ERCC6L2: variants seen among roughly 807,000 people sequenced by gnomAD.
ERCC6L2 encodes the protein DNA excision repair protein ERCC-6-like 2.
Under a neutral mutation model 132.0 loss-of-function variants are expected in ERCC6L2, and 77 were observed. The observed-to-expected ratio is 0.58, with a 90% CI of 0.49 to 0.71. The LOEUF (loss-of-function observed/expected upper bound fraction) is 0.71, where lower values mean the gene tolerates loss of function less well. Among genes scored for constraint, ERCC6L2 ranks in the 30% least tolerant of loss-of-function variants. The pLI is 0.00. For missense variants in ERCC6L2, 1,542 were observed against 1,837.6 expected, an observed-to-expected ratio of 0.84 and a Z score of 2.94; for synonymous variants, 583 against 632.4, an observed-to-expected ratio of 0.92 and a Z score of 1.17.
At chr9:95,880,343 A>G (rs1827522892) in intron 1 of ERCC6L2, among the ~76,000 whole-genome samples, 1 of 152,242 alleles carries the variant, frequency 6.6e-6, no homozygotes, top group East Asian at 1.9e-4. Context: ...CAGATGAACC[A>G]CAAAGCATTG....
chr9:95,980,732 AAAATT>A (rs1235045692), intron 17 of ERCC6L2, among the ~76,000 whole-genome samples: 6 of 152,178 alleles, frequency 3.9e-5, no homozygotes, highest in African/African-American at 1.2e-4. Context: ...AGTTTTGAAA[AAAATT>A]AAAAAGTTAC....
intron 3 of ERCC6L2, among the ~76,000 whole-genome samples, chr9:95,902,263 T>A (rs1828818912): frequency 6.6e-6 from 1 of 152,170 alleles, no homozygotes; most frequent in Non-Finnish European, 1.5e-5. Flanking sequence ...AGATGTAGGC[T>A]AAGTTTTGAT....
chr9:95,975,471 CTTTTTTTT>C (rs572855007), intron 16 of ERCC6L2, among the ~76,000 whole-genome samples: 1 of 111,280 alleles, frequency 9.0e-6, no homozygotes, highest in Non-Finnish European at 1.9e-5. Context: ...ATTATATGTT[CTTTTTTTT>C]TTTTTTTTTG....
chr9:96,036,852 C>T (rs975116077), intron 19 of ERCC6L2, among the ~76,000 whole-genome samples: 29 of 148,156 alleles, frequency 2.0e-4, no homozygotes, highest in South Asian at 4.3e-4. Flanking sequence ...CTGCAAGCTC[C>T]GCCTCCCGGG....
chr9:95,922,131 T>C (rs1829895119), intron 7 of ERCC6L2, among the ~76,000 whole-genome samples, 174 bp from the exon 8 acceptor site: 1 of 152,250 alleles, frequency 6.6e-6, no homozygotes, highest in South Asian at 2.1e-4. Flanking sequence ...AAAAGTATGC[T>C]TCCACATTAG....
chr9:95,969,120 A>G (rs919490298), intron 14 of ERCC6L2, among the ~76,000 whole-genome samples: 3 of 152,100 alleles, frequency 2.0e-5, no homozygotes, highest in African/African-American at 7.2e-5. Context: ...TGTGATCTCC[A>G]ATGTCAGGGA....
Position 95,950,010 on chromosome 9 carries a change from G to T in ERCC6L2, c.1848-5904G>T, listed in dbSNP as rs535821947. Among the ~76,000 whole-genome samples the T allele has an allele frequency of 3.2e-3, 463 of 143,356 alleles. 2 individuals are homozygous for T. The highest frequency in any genetic ancestry group is 0.011 in the African/African-American group (443 of 38,720). The allele number at this position is 143,356 out of a possible 152,430, so 94.0% of individuals were successfully genotyped here. On this transcript the variant is annotated intron_variant, in intron 12 of 18. Transcript: ENST00000653738. ...AGCCTGGGAGACAGGGTGAGACTCC[G>T]TCTCAAAAAAAAAAAAAAAAATCCT...
intron 13 of ERCC6L2, among the ~76,000 whole-genome samples, chr9:95,963,643 C>T (rs1832017444): frequency 6.6e-6 from 1 of 152,064 alleles, no homozygotes; most frequent in East Asian, 1.9e-4. Context: ...TTTTTCCTTT[C>T]TGGTCCAGGG....
intron 17 of ERCC6L2, among the ~76,000 whole-genome samples, chr9:95,981,735 C>T (rs936883900): frequency 3.9e-5 from 6 of 152,108 alleles, no homozygotes; most frequent in Non-Finnish European, 7.4e-5. Context: ...AAGTATGTCA[C>T]GGAGCTGAAC....
At chr9:95,925,637 T>G (rs1363394786) in intron 9 of ERCC6L2, among the ~76,000 whole-genome samples, 1 of 152,218 alleles carries the variant, frequency 6.6e-6, no homozygotes, top group Non-Finnish European at 1.5e-5. Context: ...CTAATTAAGA[T>G]CTCCAGTCTA....
chr9:95,947,626 C>CT (rs912572093), intron 12 of ERCC6L2, among the ~76,000 whole-genome samples: 3 of 152,138 alleles, frequency 2.0e-5, no homozygotes, highest in Admixed American at 6.5e-5. Flanking sequence ...GGACTGTAGT[C>CT]AATAAAGAGG....
intron 18 of ERCC6L2, among the ~76,000 whole-genome samples, chr9:96,011,283 A>G (rs1324607924): frequency 2.0e-5 from 3 of 152,224 alleles, no homozygotes; most frequent in Non-Finnish European, 4.4e-5. Context: ...AAGAGACAGA[A>G]GAGAAAGAAA....
chr9:95,958,326 G>T (rs11794054), intron 13 of ERCC6L2, among the ~76,000 whole-genome samples: 19,732 of 151,922 alleles, frequency 0.13, 1,354 homozygotes, highest in South Asian at 0.24. Context: ...TAGTGTGCAT[G>T]TGTCTTTATA....
intron 14 of ERCC6L2, chr9:95,967,856 C>T (rs1832231741): frequency 6.6e-6 from 1 of 152,124 alleles, no homozygotes; most frequent in Non-Finnish European, 1.5e-5. Flanking sequence ...CCTCCAGCTC[C>T]CAAACCCAGC....
intron 11 of ERCC6L2, among the ~76,000 whole-genome samples, chr9:95,935,457 G>A (rs903296004): frequency 6.6e-6 from 1 of 152,154 alleles, no homozygotes; most frequent in African/African-American, 2.4e-5. Context: ...ACAGGCCCTG[G>A]AGGAGACACG....
chr9:96,008,775 A>G (rs1213884015), intron 18 of ERCC6L2, among the ~76,000 whole-genome samples: 1 of 152,214 alleles, frequency 6.6e-6, no homozygotes, highest in Non-Finnish European at 1.5e-5. Flanking sequence ...GACCCTTGCT[A>G]GCTAGTCATG....
At chr9:95,958,349 A>G (rs1831722170) in intron 13 of ERCC6L2, among the ~76,000 whole-genome samples, 1 of 152,106 alleles carries the variant, frequency 6.6e-6, no homozygotes, top group Non-Finnish European at 1.5e-5. Flanking sequence ...AGCATGATTC[A>G]TAGTCCTTTG....
chr9:96,013,181 C>G lies in ERCC6L2; in HGVS notation c.4631C>G (p.Thr1544Ser), dbSNP rs990777059. The change falls in exon 19 of 19, where the codon ACC becomes AGC. Residue 1544 changes from threonine (T) to serine (S), a missense_variant. This residue lies in a region of ERCC6L2 where 442 missense variants were observed against 583.4 expected (regional missense o/e 0.76). Transcript: ENST00000653738. ...CCAAGTGATACAGATGAAAACGCAA[C>G]CAATACACAGAGTACCACATAAGCA... ...FSPSDTDENA[T>S]NTQSTT 1.5e-6 allele frequency: 2 copies of G among 1,364,674 alleles called. No individual in the cohort carries two copies. Among genetic ancestry groups the G allele is most frequent in the Admixed American group, 1.9e-5 (1 of 51,722 alleles). The allele number at this position is 1,364,674 out of a possible 1,614,324, so 84.5% of individuals were successfully genotyped here.
chr9:95,954,123 G>A (rs631273), intron 12 of ERCC6L2, among the ~76,000 whole-genome samples: 101,258 of 152,054 alleles, frequency 0.67, 34,720 homozygotes, highest in African/African-American at 0.82. Context: ...CACTTAAGTA[G>A]CTTGCTCAAG....
Sources: allele counts gnomAD v4.1 joint callset (sites outside exome capture counted in the v4.1 genomes callset), GRCh38; gene constraint gnomAD v4.1.1; regional missense constraint gnomAD v4.1.1; transcripts MANE v1.5; gene names NCBI Gene and HGNC (gene_info 2026-07-23, HGNC 2026-07-21).